TTN: variants seen among roughly 807,000 people sequenced by gnomAD.
TTN encodes the protein titin, also known as connectin.
Under a neutral mutation model 3,223.0 loss-of-function variants are expected in TTN, and 1,525 were observed. That is an observed-to-expected ratio of 0.47 (90% CI 0.45 to 0.49). TTN has a LOEUF of 0.49. Ranked by LOEUF, TTN falls within the 20% of genes least tolerant of loss-of-function variation. The probability of loss-of-function intolerance (pLI) is 0.00; values close to 1 mark genes in which losing one functional copy is unlikely to be tolerated. For missense variants in TTN, 40,786 were observed against 43,424.0 expected, an observed-to-expected ratio of 0.94 and a Z score of 5.40; for synonymous variants, 14,094 against 15,161.0, an observed-to-expected ratio of 0.93 and a Z score of 5.17.
rs371110666 is a variant in TTN, at chr2:178,730,174, C to A, written c.18226G>T (p.Ala6076Ser). Residue 6076 changes from alanine (A) to serine (S), a missense_variant, in exon 62 of 363, where the codon GCT becomes TCT. Physicochemically the swap from Ala to Ser is moderately conservative, Grantham distance 99. Transcript: ENST00000589042. The stretch of plus-strand genomic sequence containing the variant: ...CAAATGTAGGTTCCAGAATCGGTAG[C>A]TTTGGCTGCAAAGAGCTCTAGACTG... ...STSLELFAAK[A>S]TDSGTYICQL... 6.2e-7 allele frequency: 1 copy of A among 1,613,468 alleles called. No homozygotes were observed. Among genetic ancestry groups the A allele is most frequent in the Non-Finnish European group, 8.5e-7 (1 of 1,179,672 alleles).
intron 326 of TTN, chr2:178,559,069 A>AT: frequency 2.8e-6 from 1 of 354,434 alleles, no homozygotes; most frequent in Non-Finnish European, 5.1e-6. Flanking sequence ...ATACAGTTAG[A>AT]TTCAATAATA....
chr2:178,560,595 T>G lies in TTN; in HGVS notation c.85537A>C (p.Thr28513Pro). ...GELQMTSCKV[T>P]KLLKGNEYIF... ...TATTCATTGCCTTTGAGTAACTTGG[T>G]TACTTTACAGGATGTCATCTGTAAC... The change falls in exon 326 of 363, where the codon ACC (threonine) becomes CCC (proline). Residue 28513 changes from threonine (T) to proline (P), a missense_variant. Coordinates refer to ENST00000589042, the MANE Select transcript of TTN (RefSeq NM_001267550.2). 3 of 1,613,502 alleles carry G rather than the reference T, an allele frequency of 1.9e-6. No homozygotes were observed. The highest frequency in any genetic ancestry group is 2.5e-6 in the Non-Finnish European group (3 of 1,179,756).
rs2052768843 is a variant in TTN at position 178,599,717 on chromosome 2, G to T, written c.56184C>A (p.Asn18728Lys). ...GGGTGTCATAGAGAACAGGTTCTTTGTTATCAGGCTTCTTTGGAGGAGCTT... is the reference window on the plus strand; with the variant it reads ...GGGTGTCATAGAGAACAGGTTCTTTTTTATCAGGCTTCTTTGGAGGAGCTT... The part of the protein sequence containing the change: ...WFKAPPKKPD[N>K]KEPVLYDTHV... The change falls in exon 289 of 363, where the codon AAC becomes AAA. Residue 18728 changes from asparagine to lysine, a missense_variant. Coordinates refer to ENST00000589042, the MANE Select transcript of TTN (RefSeq NM_001267550.2). The T allele has an allele frequency of 6.2e-7, 1 of 1,612,980 alleles. No individual in the cohort carries two copies. The highest frequency in any genetic ancestry group is 1.3e-5 in the African/African-American group (1 of 74,970).
At position 178,667,522 on chromosome 2, in the gene TTN, G is replaced by C. The variant is rs777961260; in HGVS notation, c.35633C>G (p.Pro11878Arg). Residue 11878 changes from proline to arginine, a missense_variant, in exon 161 of 363, where the codon CCT becomes CGT. Pro to Arg is a moderately radical substitution (Grantham distance 103). Coordinates refer to ENST00000589042, the MANE Select transcript of TTN (RefSeq NM_001267550.2). The stretch of plus-strand genomic sequence containing the variant: ...TGGAACAACTTTCTTGGGTGGCTCA[G>C]GCACTTAAAAGATATGAGTATAGTT... ...QKTKPKLAKV[P>R]EPPKKVVPED... 1 of 1,597,090 alleles carries C rather than the reference G, an allele frequency of 6.3e-7. No homozygotes were observed. Among genetic ancestry groups the C allele is most frequent in the South Asian group, 1.1e-5 (1 of 90,854 alleles).
chr2:178,528,792 ATAT>A lies in TTN; in HGVS notation c.106956_106958del (p.Tyr35653del). 1 of 1,612,962 alleles carries A rather than the reference ATAT, an allele frequency of 6.2e-7. No individual in the cohort carries two copies. The highest frequency in any genetic ancestry group is 8.5e-7 in the Non-Finnish European group (1 of 1,179,070). ...GGGTCTGATCGCTGCCTGAGACACC[ATAT>A]CGGTACTCCTCAGAGTTGGTAAGCT... On this transcript the variant is annotated inframe_deletion, in exon 360 of 363. Transcript: ENST00000589042.
At chr2:178,746,594 T>C in intron 47 of TTN, 1 of 1,613,268 alleles carries the variant, frequency 6.2e-7, no homozygotes, top group Non-Finnish European at 8.5e-7. Flanking sequence ...TATGTCTACA[T>C]TTGCAAAGCT....
chr2:178,625,324 C>T lies in TTN; in HGVS notation c.44497G>A (p.Val14833Ile), dbSNP rs373168798. Residue 14833 changes from valine (V) to isoleucine (I), a missense_variant, in exon 241 of 363, where the codon GTC (valine) becomes ATC (isoleucine). Physicochemically the swap from Val to Ile is conservative, Grantham distance 29. Transcript: ENST00000589042. The part of the protein sequence containing the change: ...RDVKLEDAGE[V>I]QLTAKDFKTH... The stretch of plus-strand genomic sequence containing the variant: ...TTGAAATCTTTTGCTGTTAGTTGGA[C>T]TTCCCCAGCATCTTCTAACTTTACA... 3.8e-5 allele frequency: 61 copies of T among 1,605,966 alleles called. No individual in the cohort carries two copies. In the African/African-American group the frequency reaches 7.8e-4, roughly 21 times the overall value.
chr2:178,529,188 A>G lies in TTN; in HGVS notation c.106563T>C (p.Ser35521=), dbSNP rs966023150. The G allele has an allele frequency of 7.3e-6, 11 of 1,516,396 alleles. No homozygotes were observed. The Admixed American group carries it at 9.4e-5, about 13-fold the overall frequency. The allele number at this position is 1,516,396 out of a possible 1,614,324, so 93.9% of individuals were successfully genotyped here. A position where few individuals can be genotyped will look rare whatever the true frequency, so the allele number is the denominator to read the frequency against. ...GTGTAATTTCAGAAGTCTTTTGTGTAGAGACTTTCTGTGCCTCAGTATCTT... is the reference window on the plus strand; with the variant it reads ...GTGTAATTTCAGAAGTCTTTTGTGTGGAGACTTTCTGTGCCTCAGTATCTT... The part of the protein sequence containing the change: ...AIKDTEAQKV[S]TQKTSEITPQ... Residue 35521 remains serine, a synonymous_variant, in exon 360 of 363, where the codon TCT becomes TCC. Transcript: ENST00000589042.
At chr2:178,666,632 T>G (rs2065972226) in intron 163 of TTN, among the ~76,000 whole-genome samples, 192 bp downstream of exon 163, 1 of 152,224 alleles carries the variant, frequency 6.6e-6, no homozygotes, top group Non-Finnish European at 1.5e-5. Context: ...CTAAAGGTAT[T>G]TTTTCCCTCT....
rs535192797 is a variant in TTN, at chr2:178,733,651, A to G, written c.15738T>C (p.Ala5246=). ...GKYTCLAENE[A]GSQTSVGELI... ...ATTCCCCAACAGATGTTTGGCTTCC[A>G]GCTTCATTTTCAGCCAGGCACGTGT... Residue 5246 remains alanine (A), a synonymous_variant, in exon 53 of 363, where the codon GCT becomes GCC. Coordinates refer to ENST00000589042, the MANE Select transcript of TTN (RefSeq NM_001267550.2). The G allele has an allele frequency of 6.2e-7, 1 of 1,612,788 alleles. No homozygotes were observed. Among genetic ancestry groups the G allele is most frequent in the Admixed American group, 1.7e-5 (1 of 59,984 alleles).
Position 178,538,692 on chromosome 2 carries a change from T to C in TTN, c.99137A>G (p.Lys33046Arg), listed in dbSNP as rs749815808. Residue 33046 changes from lysine (K) to arginine (R), a missense_variant, in exon 354 of 363, where the codon AAG (lysine) becomes AGG (arginine). Physicochemically the swap from Lys to Arg is conservative, Grantham distance 26. Transcript: ENST00000589042. ...EYRQSGDSAW[K>R]KSNKERIKDK... is the part of the protein sequence containing the mutation. Reference sequence around the variant, plus strand: ...CTTAATACGTTCCTTATTGCTCTTCTTCCAGGCACTGTCTCCAGACTGTCT... The same window carrying C: ...CTTAATACGTTCCTTATTGCTCTTCCTCCAGGCACTGTCTCCAGACTGTCT... 1.9e-6 allele frequency: 3 copies of C among 1,613,802 alleles called. No individual in the cohort carries two copies. The highest frequency in any genetic ancestry group is 2.5e-6 in the Non-Finnish European group (3 of 1,179,756).
rs2077715561 is a variant in TTN at position 178,717,779 on chromosome 2, T to A, written c.25095A>T (p.Lys8365Asn). ...CTAGAGTCTCATGAACGTCTTTCAG[T>A]TTTCTTGCAAAGAAAGGTGGAAGTT... ...ARKLPPFFARKLKDVHETLGF... is the reference protein window; with the variant it reads ...ARKLPPFFARNLKDVHETLGF... Residue 8365 changes from lysine (K) to asparagine (N), a missense_variant, in exon 87 of 363, where the codon AAA becomes AAT. Lys to Asn is a moderately conservative substitution (Grantham distance 94, BLOSUM62 0). Coordinates refer to ENST00000589042, the MANE Select transcript of TTN (RefSeq NM_001267550.2). 6.8e-6 allele frequency: 11 copies of A among 1,607,886 alleles called. No homozygotes were observed. The highest frequency in any genetic ancestry group is 9.3e-6 in the Non-Finnish European group (11 of 1,176,972).
In TTN at chr2:178,644,322, G is replaced by T. The variant is rs375561816; in HGVS notation, c.40477+226C>A. On this transcript the variant is annotated intron_variant, in intron 218 of 362. Coordinates refer to ENST00000589042, the MANE Select transcript of TTN (RefSeq NM_001267550.2). ...AGGAAAATGCAAGAAGACATATGTA[G>T]ATGAGACAAAGATAGACCATGTCTA... The T allele has an allele frequency of 2.3e-5, 9 of 384,002 alleles. No homozygotes were observed. The South Asian group carries it at 8.4e-4, about 36-fold the overall frequency. 23.8% of individuals were successfully genotyped at this position (384,002 alleles called of 1,614,324 possible).
intron 144 of TTN, 64 bp downstream of exon 144, chr2:178,678,350 G>A: frequency 1.3e-6 from 2 of 1,495,350 alleles, no homozygotes; most frequent in Non-Finnish European, 1.8e-6. Context: ...GGGGAAATTT[G>A]TATGTGAGTA....
Position 178,572,593 on chromosome 2 carries a change from A to G in TTN, c.73539T>C (p.Asn24513=), listed in dbSNP as rs1708631070. Residue 24513 remains asparagine, a synonymous_variant, in exon 326 of 363, where the codon AAT becomes AAC. Coordinates refer to ENST00000589042, the MANE Select transcript of TTN (RefSeq NM_001267550.2). ...NSSGSKSAFV[N]VRVLDTPGPP... ...GGCCTGGTGTATCGAGAACTCTAAC[A>G]TTGACAAATGCAGACTTGCTGCCTG... 1 of 1,613,274 alleles carries G rather than the reference A, an allele frequency of 6.2e-7. No homozygotes were observed. The highest frequency in any genetic ancestry group is 1.7e-5 in the Admixed American group (1 of 59,960).
intron 356 of TTN, 155 bp downstream of exon 356, chr2:178,536,783 T>C: frequency 4.8e-6 from 4 of 840,784 alleles, no homozygotes; most frequent in Non-Finnish European, 7.1e-6. Flanking sequence ...TTTCTCCTTT[T>C]AGATATGCAA....
At chr2:178,739,069 A>G in intron 48 of TTN, 72 bp downstream of exon 48, 1 of 1,431,178 alleles carries the variant, frequency 7.0e-7, no homozygotes, top group Non-Finnish European at 9.2e-7. Flanking sequence ...GTGAAAATTT[A>G]AGTGATGCAA....
chr2:178,750,376 A>G, intron 47 of TTN: 1 of 1,613,090 alleles, frequency 6.2e-7, no homozygotes, highest in Middle Eastern at 1.7e-4. Context: ...CTTCATTCTG[A>G]TGATGAACAG....
At position 178,740,188 on chromosome 2, in the gene TTN, C is replaced by T. The variant is rs140847585; in HGVS notation, c.13045G>A (p.Val4349Met). Residue 4349 changes from valine to methionine, a missense_variant, in exon 48 of 363, where the codon GTG (valine) becomes ATG (methionine). Val to Met is a conservative substitution (Grantham distance 21, BLOSUM62 1). Transcript: ENST00000589042. Reference sequence around the variant, plus strand: ...ATGATTTGGTCTGGGGGCATCACCACGTTGTCAGAATGCTCTTCTTTGAGC... The same window carrying T: ...ATGATTTGGTCTGGGGGCATCACCATGTTGTCAGAATGCTCTTCTTTGAGC... ...VLLKEEHSDNVVMPPDQIIES... is the reference protein window; with the variant it reads ...VLLKEEHSDNMVMPPDQIIES... 10 of 1,613,442 alleles carry T rather than the reference C, an allele frequency of 6.2e-6. No homozygotes were observed. Among genetic ancestry groups the T allele is most frequent in the African/African-American group, 4.0e-5 (3 of 74,978 alleles).
Sources: allele counts gnomAD v4.1 joint callset (sites outside exome capture counted in the v4.1 genomes callset), GRCh38; gene constraint gnomAD v4.1.1; transcripts MANE v1.5; gene names NCBI Gene and HGNC (gene_info 2026-07-23, HGNC 2026-07-21).